MMP16: variants seen among roughly 807,000 people sequenced by gnomAD.
MMP16 encodes the protein matrix metalloproteinase-16.
In MMP16, 12 loss-of-function variants were observed where a neutral mutation model predicts 67.8. The observed-to-expected ratio is 0.18, with a 90% CI of 0.11 to 0.29. The LOEUF is 0.29. Ranked by LOEUF, MMP16 falls within the 10% of genes least tolerant of loss-of-function variation. The pLI, the probability that MMP16 is intolerant of heterozygous loss-of-function variation, is 1.00. For synonymous variants in MMP16, 249 were observed against 255.9 expected (o/e 0.97, Z 0.26); for missense variants, 475 against 765.7 (o/e 0.62, Z 4.48).
rs190820752 is a variant in MMP16, at chr8:88,104,957, T to C, written c.1083+11550A>G. ...CAGTAAGCTAAGGTTAATTCATTAT[T>C]TTAAAAATTATAAATTTAGTGTAGC... is the stretch of plus-strand genomic sequence containing the variant. On this transcript the variant is annotated intron_variant, in intron 6 of 9. Coordinates refer to ENST00000286614, the MANE Select transcript of MMP16 (RefSeq NM_005941.5). Among the ~76,000 whole-genome samples the C allele has an allele frequency of 4.7e-3, 718 of 151,694 alleles. 3 individuals carry two copies. The highest frequency in any genetic ancestry group is 7.4e-3 in the Non-Finnish European group (502 of 67,720).
At chr8:88,224,248 T>A (rs532079510) in intron 1 of MMP16, among the ~76,000 whole-genome samples, 5 of 152,020 alleles carry the variant, frequency 3.3e-5, no homozygotes, top group African/African-American at 2.4e-5. Flanking sequence ...TAAACAAAGT[T>A]CCAGTTTAAT....
chr8:88,091,682 A>T (rs1418999626), intron 6 of MMP16, among the ~76,000 whole-genome samples: 1 of 151,912 alleles, frequency 6.6e-6, no homozygotes, highest in African/African-American at 2.4e-5. Flanking sequence ...AATTTTTAAA[A>T]GAAGTAATCA....
chr8:88,203,247 G>A (rs893010170), intron 1 of MMP16, among the ~76,000 whole-genome samples: 1 of 151,614 alleles, frequency 6.6e-6, no homozygotes, highest in Non-Finnish European at 1.5e-5. Context: ...GGGACTATAG[G>A]TGCCTGCCAC....
intron 1 of MMP16, among the ~76,000 whole-genome samples, chr8:88,241,690 T>A (rs1441105813): frequency 6.6e-6 from 1 of 152,108 alleles, no homozygotes; most frequent in Non-Finnish European, 1.5e-5. Context: ...CATGTACTTA[T>A]CACTTTTTGG....
At chr8:88,144,908 G>A (rs1294746879) in intron 4 of MMP16, among the ~76,000 whole-genome samples, 1 of 151,968 alleles carries the variant, frequency 6.6e-6, no homozygotes. Flanking sequence ...TTGCTCTTGG[G>A]TCAGATGGAG....
chr8:88,233,419 T>A (rs1019061044), intron 1 of MMP16, among the ~76,000 whole-genome samples: 4 of 152,108 alleles, frequency 2.6e-5, no homozygotes, highest in Non-Finnish European at 5.9e-5. Flanking sequence ...TAATGTCCTA[T>A]CCTTCCCACC....
In MMP16 at chr8:88,046,614, T is replaced by C. The variant is rs528952514; in HGVS notation, c.1489+55A>G. 5.0e-5 allele frequency: 56 copies of C among 1,123,896 alleles called. No homozygotes were observed. In the African/African-American group the frequency reaches 8.4e-4, roughly 17 times the overall value. 69.6% of individuals were successfully genotyped at this position (1,123,896 alleles called of 1,614,324 possible). A position where few individuals can be genotyped will look rare whatever the true frequency, so the allele number is the denominator to read the frequency against. ...CTTAATTTAGCAGAGTGAAAAAGCC[T>C]AATGTGTTACTAAGATAGCAAACTT... On this transcript the variant is annotated intron_variant, in intron 9 of 9. Transcript: ENST00000286614.
chr8:88,123,236 TG>T lies in MMP16; in HGVS notation c.710-4376del, dbSNP rs2118448968. On this transcript the variant is annotated intron_variant, in intron 4 of 9. Transcript: ENST00000286614. ...CTGAACAGTAGAAAGGAAGCTACTT[TG>T]AAGCATGTGAGTGTTTATACAGCAC... 1.3e-5 allele frequency among the ~76,000 whole-genome samples: 2 copies of T among 152,106 alleles called. 1 individual carries two copies. The highest frequency in any genetic ancestry group is 4.1e-4 in the South Asian group (2 of 4,826).
intron 3 of MMP16, among the ~76,000 whole-genome samples, chr8:88,174,841 G>A (rs1287543925): frequency 5.3e-5 from 8 of 150,936 alleles, no homozygotes; most frequent in Admixed American, 4.0e-4. Flanking sequence ...TGCAACCTCT[G>A]CCTTCCGGGT....
intron 6 of MMP16, among the ~76,000 whole-genome samples, chr8:88,097,685 G>C (rs894811390): frequency 6.7e-6 from 1 of 150,080 alleles, no homozygotes; most frequent in African/African-American, 2.5e-5. Flanking sequence ...TGGGATGCAG[G>C]ACCTCCCCAT....
intron 1 of MMP16, among the ~76,000 whole-genome samples, chr8:88,256,386 C>T (rs1416861199): frequency 6.6e-6 from 1 of 152,086 alleles, no homozygotes; most frequent in Admixed American, 6.6e-5. Flanking sequence ...ATCGACTTCA[C>T]ACAACAACCT....
chr8:88,307,440 C>T (rs553356539), intron 1 of MMP16, among the ~76,000 whole-genome samples: 10 of 152,024 alleles, frequency 6.6e-5, no homozygotes, highest in African/African-American at 1.2e-4. Flanking sequence ...AAAATTAAGA[C>T]GGAAATAGAG....
rs559420486 is a variant in MMP16 at position 88,115,712 on chromosome 8, C to G, written c.1083+795G>C. 1.1e-3 allele frequency among the ~76,000 whole-genome samples: 160 copies of G among 151,998 alleles called. 2 individuals carry two copies. Among genetic ancestry groups the G allele is most frequent in the African/African-American group, 3.7e-3 (155 of 41,482 alleles). The stretch of plus-strand genomic sequence containing the variant: ...AATAAATAATATTGGCAAAATGTGG[C>G]TCTTTTAATACTCTACTGCCAACAT... On this transcript the variant is annotated intron_variant, in intron 6 of 9. Transcript: ENST00000286614.
At chr8:88,259,093 G>C (rs1238047004) in intron 1 of MMP16, among the ~76,000 whole-genome samples, 4 of 152,084 alleles carry the variant, frequency 2.6e-5, no homozygotes, top group Non-Finnish European at 4.4e-5. Context: ...TGGCACAAGT[G>C]GATTAAGGGC....
chr8:88,188,559 T>G (rs1314541956), intron 2 of MMP16, among the ~76,000 whole-genome samples: 1 of 152,154 alleles, frequency 6.6e-6, no homozygotes, highest in South Asian at 2.1e-4. Flanking sequence ...TACTTTAGTA[T>G]GTATAAAATT....
At chr8:88,284,271 T>C (rs1034577134) in intron 1 of MMP16, among the ~76,000 whole-genome samples, 5 of 152,218 alleles carry the variant, frequency 3.3e-5, no homozygotes, top group African/African-American at 1.2e-4. Flanking sequence ...GTAACAGTCA[T>C]ACAATAGTGG....
rs1032910853 is a variant in MMP16 at position 88,137,167 on chromosome 8, C to CT, written c.710-18307dup. 9.9e-4 allele frequency among the ~76,000 whole-genome samples: 150 copies of CT among 151,884 alleles called. 2 individuals are homozygous for CT. The highest frequency in any genetic ancestry group is 3.3e-3 in the African/African-American group (139 of 41,496). Reference sequence around the variant, plus strand: ...ATTTTCATACGCTTATTTGTATACTCTTTTTTTGTGAAATGCTCGTTGAAG... The same window carrying CT: ...ATTTTCATACGCTTATTTGTATACTCTTTTTTTTGTGAAATGCTCGTTGAAG... On this transcript the variant is annotated intron_variant, in intron 4 of 9. Coordinates refer to ENST00000286614, the MANE Select transcript of MMP16 (RefSeq NM_005941.5).
At position 88,033,173 on chromosome 8, in the gene MMP16, T is replaced by A. The variant is rs1381390751; in HGVS notation, c.*8288A>T. The stretch of plus-strand genomic sequence containing the variant: ...GTTTACCCAAGAGACAACTTCCCTT[T>A]GCAATTACTTGAATCTCATTCTGAC... On this transcript the variant is annotated 3_prime_UTR_variant, in exon 10 of 10. Transcript: ENST00000286614. The A allele has an allele frequency of 6.6e-6, 1 of 151,950 alleles. No homozygotes were observed. Among genetic ancestry groups the A allele is most frequent in the Non-Finnish European group, 1.5e-5 (1 of 67,940 alleles). 9.4% of individuals were successfully genotyped at this position (151,950 alleles called of 1,614,324 possible). A position where few individuals can be genotyped will look rare whatever the true frequency, so the allele number is the denominator to read the frequency against.
intron 4 of MMP16, among the ~76,000 whole-genome samples, chr8:88,148,576 C>G (rs1016218994): frequency 6.6e-6 from 1 of 152,116 alleles, no homozygotes; most frequent in African/African-American, 2.4e-5. Context: ...TCACCTTGCC[C>G]TTGAACTAAG....
Sources: gnomAD v4.1 joint callset for allele counts (sites outside exome capture counted in the v4.1 genomes callset) on GRCh38, gnomAD v4.1.1 for gene constraint, MANE v1.5 for transcripts, NCBI Gene and HGNC (gene_info 2026-07-23, HGNC 2026-07-21) for gene names.